Variants in IPO5 observed in about 807,000 individuals in gnomAD.
IPO5 encodes the protein importin 5, also known as importin-5.
In IPO5, 18 loss-of-function variants were observed where a neutral mutation model predicts 143.3. The ratio of observed to expected loss-of-function variants is 0.13; its 90% CI spans 0.09 to 0.19. The LOEUF (loss-of-function observed/expected upper bound fraction) is 0.19. Ranked by LOEUF, IPO5 falls within the 10% of genes least tolerant of loss-of-function variation. IPO5 has a pLI of 1.00. For missense variants in IPO5, 1,013 were observed against 1,336.9 expected, an observed-to-expected ratio of 0.76 and a Z score of 3.78; for synonymous variants, 477 against 465.7, an observed-to-expected ratio of 1.02 and a Z score of -0.31.
At chr13:97,976,189 G>A (rs1886283025) in intron 3 of IPO5, among the ~76,000 whole-genome samples, 1 of 151,322 alleles carries the variant, frequency 6.6e-6, no homozygotes, top group Non-Finnish European at 1.5e-5. Flanking sequence ...CCTCCTCCCC[G>A]GCCAGGCCTC....
chr13:97,997,820 A>G (rs1198658326), intron 12 of IPO5, among the ~76,000 whole-genome samples: 1 of 152,240 alleles, frequency 6.6e-6, no homozygotes, highest in African/African-American at 2.4e-5. Flanking sequence ...TATTAATAAA[A>G]TTTATGTTTC....
At chr13:97,959,454 G>A (rs1781591379) in intron 2 of IPO5, among the ~76,000 whole-genome samples, 1 of 151,678 alleles carries the variant, frequency 6.6e-6, no homozygotes, top group African/African-American at 2.4e-5. Context: ...TCCCGGCAGG[G>A]CACGGTGGCT....
intron 14 of IPO5, 30 bp from the exon 15 acceptor site, chr13:98,002,654 C>T (rs1304657425): frequency 1.2e-6 from 2 of 1,606,300 alleles, no homozygotes; most frequent in Non-Finnish European, 1.7e-6. Context: ...AACCTTCTTG[C>T]TTTTACTAAT....
chr13:97,976,572 C>A (rs1415559559), intron 3 of IPO5, 121 bp from the exon 4 acceptor site: 6 of 196,746 alleles, frequency 3.0e-5, no homozygotes, highest in Non-Finnish European at 5.9e-5. Flanking sequence ...CGCGGCCCCC[C>A]GCAAGCCCCG....
chr13:98,000,552 G>A lies in IPO5; in HGVS notation c.1015G>A (p.Gly339Ser), dbSNP rs765377936. The change falls in exon 13 of 29, where the codon GGC (glycine) becomes AGC (serine). Residue 339 changes from glycine (G) to serine (S), a missense_variant. Physicochemically the swap from Gly to Ser is moderately conservative, Grantham distance 56. Transcript: ENST00000651721. ...DDDFDSNAVA[G>S]ESALDRMACG... Reference sequence around the variant, plus strand: ...TTATGTGTTTAGCAATGCAGTTGCAGGCGAGAGTGCTCTAGATCGAATGGC... The same window carrying A: ...TTATGTGTTTAGCAATGCAGTTGCAAGCGAGAGTGCTCTAGATCGAATGGC... The A allele has an allele frequency of 1.2e-5, 20 of 1,613,320 alleles. No homozygotes were observed. Among genetic ancestry groups the A allele is most frequent in the Non-Finnish European group, 1.7e-5 (20 of 1,179,406 alleles).
At chr13:98,000,013 A>G (rs777112382) in intron 12 of IPO5, among the ~76,000 whole-genome samples, 1 of 152,208 alleles carries the variant, frequency 6.6e-6, no homozygotes, top group Non-Finnish European at 1.5e-5. Flanking sequence ...GGCTGGGCAC[A>G]GTGGCTCACG....
At position 98,015,365 on chromosome 13, in the gene IPO5, T is replaced by A. The variant is rs544642858; in HGVS notation, c.2326-165T>A. Among the ~76,000 whole-genome samples the A allele has an allele frequency of 1.3e-5, 2 of 152,174 alleles. 1 individual carries two copies. The highest frequency in any genetic ancestry group is 4.8e-5 in the African/African-American group (2 of 41,530). On this transcript the variant is annotated intron_variant, in intron 22 of 28. Transcript: ENST00000651721. ...AGAAAATATTTTTTTCTAACTCCAA[T>A]CTCTAAAATGCTGTCATTCTAACAA...
chr13:97,979,902 A>G (rs578026500), intron 4 of IPO5: 21 of 456,726 alleles, frequency 4.6e-5, no homozygotes, highest in Admixed American at 1.6e-4. Context: ...GTGTTAATAG[A>G]TAAAAGTCAT....
Position 97,995,402 on chromosome 13 carries a change from T to G in IPO5, c.914-2129T>G, listed in dbSNP as rs563341939. On this transcript the variant is annotated intron_variant, in intron 11 of 28. Transcript: ENST00000651721. The stretch of plus-strand genomic sequence containing the variant: ...ATCCTCATAGCTCAGCTCCCACTTA[T>G]GAGTTGAGAATATAACTGGTTATTT... Among the ~76,000 whole-genome samples the G allele has an allele frequency of 2.0e-5, 3 of 151,916 alleles. No homozygotes were observed. The East Asian group carries it at 5.8e-4, about 29-fold the overall frequency.
At chr13:98,008,763 T>C (rs1022921226) in intron 18 of IPO5, among the ~76,000 whole-genome samples, 1 of 152,224 alleles carries the variant, frequency 6.6e-6, no homozygotes, top group Non-Finnish European at 1.5e-5. Context: ...TGGTGGGCAG[T>C]TCCAACACTG....
At chr13:97,981,413 C>T in intron 4 of IPO5, 1 of 333,172 alleles carries the variant, frequency 3.0e-6, no homozygotes, top group South Asian at 2.4e-5. Flanking sequence ...AAGTCATTAA[C>T]TTATAAGCCT....
chr13:97,969,175 A>ATATATATTTTTTTTTTTTTTTTTTTT (rs1234384302), intron 2 of IPO5, among the ~76,000 whole-genome samples: 1 of 43,896 alleles, frequency 2.3e-5, no homozygotes, highest in African/African-American at 1.1e-4. Flanking sequence ...ATATATATAT[A>ATATATATTTTTTTTTTTTTTTTTTTT]TTTTTTTTTT....
chr13:97,985,195 T>G (rs187286614), intron 5 of IPO5, among the ~76,000 whole-genome samples: 746 of 152,336 alleles, frequency 4.9e-3, no homozygotes, highest in Non-Finnish European at 7.8e-3. Context: ...AAAATATGTG[T>G]TCCTAATTGA....
chr13:97,977,378 C>T (rs1238329186), intron 4 of IPO5, among the ~76,000 whole-genome samples: 3 of 152,180 alleles, frequency 2.0e-5, no homozygotes, highest in Admixed American at 6.5e-5. Flanking sequence ...TTCCCTACCC[C>T]CTCCCACCTC....
rs377639750 is a variant in IPO5, at chr13:97,989,092, G to A, written c.395G>A (p.Gly132Asp). Residue 132 changes from glycine to aspartate, a missense_variant, in exon 7 of 29, where the codon GGT becomes GAT. Gly to Asp is a moderately conservative substitution (Grantham distance 94). This residue lies in a region of IPO5 where 328 missense variants were observed against 342.0 expected (regional missense o/e 0.96). Coordinates refer to ENST00000651721, the MANE Select transcript of IPO5 (RefSeq NM_002271.6). ...GATGGCAATAACCAGTGGCCCGAAG[G>A]TTTGAAGTTCCTTTTTGATTCAGTC... is the stretch of plus-strand genomic sequence containing the variant. ...DEDGNNQWPE[G>D]LKFLFDSVSS... 3.7e-6 allele frequency: 6 copies of A among 1,613,394 alleles called. No homozygotes were observed. Among genetic ancestry groups the A allele is most frequent in the Non-Finnish European group, 5.1e-6 (6 of 1,179,490 alleles).
At chr13:97,953,839 A>T (rs1227512664) in intron 1 of IPO5, 123 bp downstream of exon 1, 1 of 446,394 alleles carries the variant, frequency 2.2e-6, no homozygotes, top group African/African-American at 2.0e-5. Context: ...AGGTCCCTTT[A>T]GCTCGTCTCC....
intron 12 of IPO5, among the ~76,000 whole-genome samples, chr13:98,000,333 G>A (rs578162040): frequency 6.6e-6 from 1 of 151,930 alleles, no homozygotes; most frequent in Non-Finnish European, 1.5e-5. Flanking sequence ...CTAAACTATG[G>A]TGGATCATGA....
In IPO5 at chr13:97,976,718, C is replaced by A. The variant is rs1186713614; in HGVS notation, c.22C>A (p.Gln8Lys). The stretch of plus-strand genomic sequence containing the variant: ...CGCAATGGCGGCGGCCGCGGCGGAG[C>A]AGCAACAGTTCTACCTGCTCCTGGG... MAAAAAE[Q>K]QQFYLLLGNL... The change falls in exon 4 of 29, where the codon CAG becomes AAG. Residue 8 changes from glutamine to lysine, a missense_variant. Gln to Lys is a moderately conservative substitution (Grantham distance 53, BLOSUM62 1). This residue lies in a region of IPO5 where 328 missense variants were observed against 342.0 expected (regional missense o/e 0.96). Transcript: ENST00000651721. The A allele has an allele frequency of 7.1e-7, 1 of 1,404,654 alleles. No individual in the cohort carries two copies. Among genetic ancestry groups the A allele is most frequent in the East Asian group, 3.8e-5 (1 of 26,596 alleles). 87.0% of individuals were successfully genotyped at this position (1,404,654 alleles called of 1,614,324 possible). A position where few individuals can be genotyped will look rare whatever the true frequency, so the allele number is the denominator to read the frequency against.
intron 5 of IPO5, among the ~76,000 whole-genome samples, chr13:97,984,780 C>G (rs1207877795): frequency 6.6e-6 from 1 of 151,976 alleles, no homozygotes; most frequent in Non-Finnish European, 1.5e-5. Flanking sequence ...AGCTTATTGG[C>G]TTGATTTGAT....
Sources: gnomAD v4.1 joint callset for allele counts (sites outside exome capture counted in the v4.1 genomes callset) on GRCh38, gnomAD v4.1.1 for gene constraint, gnomAD v4.1.1 regional missense constraint, MANE v1.5 for transcripts, NCBI Gene and HGNC (gene_info 2026-07-23, HGNC 2026-07-21) for gene names.